The following ATP10D variants were observed in gnomAD, a reference collection of about 807,000 sequenced individuals.
ATP10D encodes the protein ATPase phospholipid transporting 10D (putative), also known as phospholipid-transporting ATPase VD.
Under a neutral mutation model 144.8 loss-of-function variants are expected in ATP10D, and 89 were observed. The ratio of observed to expected loss-of-function variants is 0.61; its 90% confidence interval spans 0.52 to 0.73. The LOEUF (loss-of-function observed/expected upper bound fraction) is 0.73, where lower values mean the gene tolerates loss of function less well. Among genes scored for constraint, ATP10D ranks in the 30% least tolerant of loss-of-function variants. The probability of loss-of-function intolerance (pLI) is 0.00; values close to 1 mark genes in which losing one functional copy is unlikely to be tolerated. For synonymous variants in ATP10D, 571 were observed against 615.1 expected, an observed-to-expected ratio of 0.93 and a Z score of 1.06; for missense variants, 1,603 against 1,714.8, an observed-to-expected ratio of 0.93 and a Z score of 1.15.
intron 1 of ATP10D, among the ~76,000 whole-genome samples, chr4:47,510,316 C>T (rs534197491): frequency 1.3e-5 from 2 of 152,142 alleles, no homozygotes; most frequent in East Asian, 3.9e-4. Context: ...GAGAGAGACT[C>T]TTGTAGGCTC....
intron 1 of ATP10D, among the ~76,000 whole-genome samples, chr4:47,499,368 A>G (rs955959166): frequency 1.3e-5 from 2 of 152,304 alleles, no homozygotes; most frequent in Admixed American, 6.5e-5. Context: ...GTGAAAATAG[A>G]TTTCACTAAA....
At chr4:47,554,978 A>G (rs926261476) in intron 11 of ATP10D, 64 bp downstream of exon 11, 3 of 1,350,326 alleles carry the variant, frequency 2.2e-6, no homozygotes, top group Non-Finnish European at 3.1e-6. Context: ...GTTTAAATGT[A>G]TCTGTACTGA....
chr4:47,544,185 A>T (rs1560435679), intron 9 of ATP10D, among the ~76,000 whole-genome samples: 2 of 152,208 alleles, frequency 1.3e-5, no homozygotes, highest in Admixed American at 6.5e-5. Flanking sequence ...ATTTATTTGT[A>T]AAATGCTGGT....
intron 1 of ATP10D, among the ~76,000 whole-genome samples, chr4:47,510,894 A>G (rs1282059797): frequency 6.6e-6 from 1 of 152,238 alleles, no homozygotes; most frequent in African/African-American, 2.4e-5. Flanking sequence ...GCTGATTTCA[A>G]CCTTTTAAAA....
chr4:47,531,043 C>A (rs142232337), intron 5 of ATP10D, among the ~76,000 whole-genome samples: 4 of 151,872 alleles, frequency 2.6e-5, no homozygotes, highest in African/African-American at 9.7e-5. Context: ...TAATCTGACT[C>A]CTCTGACTTG....
intron 1 of ATP10D, among the ~76,000 whole-genome samples, chr4:47,495,367 A>C (rs1034374564): frequency 6.6e-6 from 1 of 152,224 alleles, no homozygotes; most frequent in Non-Finnish European, 1.5e-5. Flanking sequence ...CCTCTTTTCC[A>C]CATCTTAAAT....
chr4:47,576,643 G>T (rs1377496151), intron 18 of ATP10D, 130 bp from the exon 19 acceptor site: 1 of 783,160 alleles, frequency 1.3e-6, no homozygotes, highest in Non-Finnish European at 2.1e-6. Context: ...GGTAAATTGT[G>T]GTCCTATCTT....
chr4:47,590,501 A>AAG (rs1305110513), intron 22 of ATP10D, among the ~76,000 whole-genome samples: 14 of 152,150 alleles, frequency 9.2e-5, no homozygotes, highest in African/African-American at 3.4e-4. Flanking sequence ...AAATGAGGTT[A>AAG]TACAGGAAAG....
At chr4:47,510,657 C>A (rs192947198) in intron 1 of ATP10D, among the ~76,000 whole-genome samples, 2 of 152,158 alleles carry the variant, frequency 1.3e-5, no homozygotes, top group African/African-American at 4.8e-5. Context: ...GTCAGACACA[C>A]CACAAATTAG....
chr4:47,571,103 A>G (rs950267748), intron 16 of ATP10D, among the ~76,000 whole-genome samples: 4 of 152,076 alleles, frequency 2.6e-5, no homozygotes, highest in African/African-American at 9.7e-5. Context: ...CACTTTTCAG[A>G]TTGCTGCAGT....
intron 21 of ATP10D, among the ~76,000 whole-genome samples, chr4:47,585,652 T>A (rs542176213): frequency 1.3e-5 from 2 of 152,286 alleles, no homozygotes; most frequent in South Asian, 4.1e-4. Flanking sequence ...TCCACTACCC[T>A]TCCCAGGCTC....
Position 47,536,555 on chromosome 4 carries a change from T to A in ATP10D, c.1134T>A (p.Ile378=). The part of the protein sequence containing the change: ...AGFYMFWTMI[I]LLQVLIPISL... ...TTTATATGTTTTGGACCATGATCAT[T>A]TTGTTACAGGTAATTTTTTATCAAG... The change falls in exon 8 of 23, where the codon ATT becomes ATA. Residue 378 remains isoleucine, a synonymous_variant. Coordinates refer to ENST00000273859, the MANE Select transcript of ATP10D (RefSeq NM_020453.4). 2 of 1,612,480 alleles carry A rather than the reference T, an allele frequency of 1.2e-6. No individual in the cohort carries two copies. The highest frequency in any genetic ancestry group is 1.7e-6 in the Non-Finnish European group (2 of 1,179,408).
chr4:47,486,459 CAG>C (rs1408592455), intron 1 of ATP10D, among the ~76,000 whole-genome samples: 2 of 152,230 alleles, frequency 1.3e-5, no homozygotes, highest in Admixed American at 1.3e-4. Context: ...TCAACAAGGA[CAG>C]GGGCTCCTCA....
intron 12 of ATP10D, 135 bp from the exon 13 acceptor site, chr4:47,558,788 T>C: frequency 1.5e-6 from 1 of 677,752 alleles, no homozygotes; most frequent in Non-Finnish European, 2.5e-6. Flanking sequence ...CTTTTACAGA[T>C]ACCCATTTGG....
intron 21 of ATP10D, 31 bp from the exon 22 acceptor site, chr4:47,586,988 A>G: frequency 1.9e-6 from 3 of 1,604,118 alleles, no homozygotes; most frequent in Non-Finnish European, 2.6e-6. Context: ...GTGACAGAGC[A>G]TTCATTTCCT....
chr4:47,516,469 C>T (rs942437470), intron 3 of ATP10D, among the ~76,000 whole-genome samples: 1 of 152,050 alleles, frequency 6.6e-6, no homozygotes, highest in African/African-American at 2.4e-5. Context: ...ATTTGCAGCT[C>T]CTGGGTTTTT....
intron 1 of ATP10D, chr4:47,490,959 T>A (rs192678453): frequency 2.7e-5 from 15 of 560,758 alleles, no homozygotes; most frequent in African/African-American, 9.7e-5. Context: ...AAGTCTTTTA[T>A]TTTATTTATT....
intron 14 of ATP10D, 73 bp from the exon 15 acceptor site, chr4:47,563,508 C>T (rs1422559343): frequency 1.9e-5 from 25 of 1,342,976 alleles, no homozygotes; most frequent in Non-Finnish European, 2.5e-5. Context: ...AGATATGATT[C>T]AACTGTAGAC....
chr4:47,536,105 C>A, intron 7 of ATP10D, 72 bp downstream of exon 7: 1 of 1,513,780 alleles, frequency 6.6e-7, no homozygotes, highest in Non-Finnish European at 9.0e-7. Flanking sequence ...AAAATTATAT[C>A]TGTGAATATT....
Sources: allele counts gnomAD v4.1 joint callset (sites outside exome capture counted in the v4.1 genomes callset), GRCh38; gene constraint gnomAD v4.1.1; transcripts MANE v1.5; gene names NCBI Gene and HGNC (gene_info 2026-07-23, HGNC 2026-07-21).